STARD9: variants seen among roughly 807,000 people sequenced by gnomAD.
The protein encoded by STARD9 is StAR related lipid transfer domain containing 9, also known as stAR-related lipid transfer protein 9.
In STARD9, 346 loss-of-function variants were observed where a neutral mutation model predicts 399.8. The observed-to-expected ratio is 0.87, with a 90% CI of 0.79 to 0.95. The LOEUF (loss-of-function observed/expected upper bound fraction) is 0.95, where lower values mean the gene tolerates loss of function less well. Among genes scored for constraint, STARD9 ranks in the 40% least tolerant of loss-of-function variants. The probability of loss-of-function intolerance (pLI) is 0.00; values close to 1 mark genes in which losing one functional copy is unlikely to be tolerated. For missense variants in STARD9, 5,832 were observed against 5,667.5 expected (o/e 1.03, Z -0.93); for synonymous variants, 2,203 against 2,143.5 (o/e 1.03, Z -0.77).
In STARD9 at chr15:42,691,176, A is replaced by C. The variant is rs1342186874; in HGVS notation, c.9598A>C (p.Thr3200Pro). The stretch of plus-strand genomic sequence containing the variant: ...CAAGTTTGTAGCAAGGTTAAAACAT[A>C]CCTGCAGCCCCCAGGAAGACAGTCC... Reference protein sequence around the residue: ...QAKFVARLKHTCSPQEDSPWQ... With the variant: ...QAKFVARLKHPCSPQEDSPWQ... Residue 3200 changes from threonine (T) to proline (P), a missense_variant, in exon 23 of 33, where the codon ACC (threonine) becomes CCC (proline). Coordinates refer to ENST00000290607, the MANE Select transcript of STARD9 (RefSeq NM_020759.3). 2 of 1,537,152 alleles carry C rather than the reference A, an allele frequency of 1.3e-6. No individual in the cohort carries two copies. The highest frequency in any genetic ancestry group is 1.7e-6 in the Non-Finnish European group (2 of 1,146,918).
intron 16 of STARD9, chr15:42,673,948 T>A (rs1470146346): frequency 6.6e-6 from 3 of 456,448 alleles, no homozygotes; most frequent in Non-Finnish European, 1.3e-5. Context: ...TTAAACTTCA[T>A]CTGCGGACCA....
Position 42,690,959 on chromosome 15 carries a change from G to A in STARD9, c.9381G>A (p.Val3127=), listed in dbSNP as rs753335888. 4 of 1,537,234 alleles carry A rather than the reference G, an allele frequency of 2.6e-6. No homozygotes were observed. The highest frequency in any genetic ancestry group is 1.2e-5 in the South Asian group (1 of 84,058). ...DSSVGDQNAQ[V]CQTNPEPPAT... is the part of the protein sequence containing the mutation. The stretch of plus-strand genomic sequence containing the variant: ...CTGTAGGTGACCAGAATGCACAGGT[G>A]TGTCAAACCAATCCAGAACCACCTG... Residue 3127 remains valine, a synonymous_variant, in exon 23 of 33, where the codon GTG becomes GTA. Coordinates refer to ENST00000290607, the MANE Select transcript of STARD9 (RefSeq NM_020759.3).
At chr15:42,628,927 A>G (rs1028538040) in intron 3 of STARD9, among the ~76,000 whole-genome samples, 2 of 152,174 alleles carry the variant, frequency 1.3e-5, no homozygotes, top group East Asian at 1.9e-4. Context: ...CTGTGGTTCA[A>G]TAAAAATTTT....
At chr15:42,674,377 C>T (rs2060266324) in intron 16 of STARD9, 63 bp from the exon 17 acceptor site, 3 of 1,292,206 alleles carry the variant, frequency 2.3e-6, no homozygotes, top group Non-Finnish European at 3.2e-6. Flanking sequence ...AATGTGGACT[C>T]TCCTGTAGGG....
In STARD9 at chr15:42,684,241, G is replaced by C. The variant is rs988148975; in HGVS notation, c.2663G>C (p.Gly888Ala). 2.0e-6 allele frequency: 3 copies of C among 1,537,150 alleles called. No individual in the cohort carries two copies. Among genetic ancestry groups the C allele is most frequent in the Middle Eastern group, 1.7e-4 (1 of 6,012 alleles). ...GCTGCTTCCTACCCTGCAAGGACAGGGTGCCTCCGCAAGAACGGCCTGCAT... is the reference window on the plus strand; with the variant it reads ...GCTGCTTCCTACCCTGCAAGGACAGCGTGCCTCCGCAAGAACGGCCTGCAT... The part of the protein sequence containing the change: ...PQAASYPART[G>A]CLRKNGLHSS... Residue 888 changes from glycine to alanine, a missense_variant, in exon 23 of 33, where the codon GGG (glycine) becomes GCG (alanine). Coordinates refer to ENST00000290607, the MANE Select transcript of STARD9 (RefSeq NM_020759.3).
rs202187298 is a variant in STARD9 at position 42,688,755 on chromosome 15, G to A, written c.7177G>A (p.Glu2393Lys). 223 of 1,537,606 alleles carry A rather than the reference G, an allele frequency of 1.5e-4. No homozygotes were observed. Among genetic ancestry groups the A allele is most frequent in the Non-Finnish European group, 6.8e-5 (78 of 1,147,042 alleles). Reference sequence around the variant, plus strand: ...TACGGAGACCAGAAGCCACAGCCCCGAAGGAAATGTTAGAGGGCGTTCCTC... The same window carrying A: ...TACGGAGACCAGAAGCCACAGCCCCAAAGGAAATGTTAGAGGGCGTTCCTC... ...QSTETRSHSP[E>K]GNVRGRSSEA... Residue 2393 changes from glutamate to lysine, a missense_variant, in exon 23 of 33, where the codon GAA (glutamate) becomes AAA (lysine). Transcript: ENST00000290607.
At chr15:42,653,949 T>C (rs1274285425) in intron 9 of STARD9, among the ~76,000 whole-genome samples, 1 of 152,184 alleles carries the variant, frequency 6.6e-6, no homozygotes, top group Admixed American at 6.5e-5. Context: ...TGAAAGGAGA[T>C]ATATTTAAGT....
At chr15:42,650,590 CTG>C (rs375104962) in intron 7 of STARD9, among the ~76,000 whole-genome samples, 21 of 152,290 alleles carry the variant, frequency 1.4e-4, no homozygotes, top group South Asian at 8.3e-4. Context: ...TGATTGTAAA[CTG>C]TGGGAGGACA....
At chr15:42,715,598 G>A (rs1283993744) in intron 26 of STARD9, among the ~76,000 whole-genome samples, 1 of 150,310 alleles carries the variant, frequency 6.7e-6, no homozygotes, top group Non-Finnish European at 1.5e-5. Flanking sequence ...TCGGCTCACT[G>A]CAACCTCTGC....
chr15:42,666,790 G>A (rs2060110531), intron 15 of STARD9, among the ~76,000 whole-genome samples: 1 of 152,022 alleles, frequency 6.6e-6, no homozygotes, highest in Non-Finnish European at 1.5e-5. Context: ...AGAATAAATG[G>A]TGATTCCCAG....
At chr15:42,665,960 T>G in intron 15 of STARD9, 112 bp downstream of exon 15, 1 of 845,320 alleles carries the variant, frequency 1.2e-6, no homozygotes, top group Non-Finnish European at 1.9e-6. Flanking sequence ...GCTGTCTCAT[T>G]TAAATACAAT....
chr15:42,692,217 A>G lies in STARD9; in HGVS notation c.10639A>G (p.Asn3547Asp). 1 of 1,537,096 alleles carries G rather than the reference A, an allele frequency of 6.5e-7. No homozygotes were observed. Among genetic ancestry groups the G allele is most frequent in the Non-Finnish European group, 8.7e-7 (1 of 1,146,892 alleles). Residue 3547 changes from asparagine to aspartate, a missense_variant, in exon 23 of 33, where the codon AAT (asparagine) becomes GAT (aspartate). Transcript: ENST00000290607. ...GTCAACCACACACAGCAGCACTGAG[A>G]ATGCCCAGGGTTCAAATGAGGCCTG... Reference protein sequence around the residue: ...DLSTTHSSTENAQGSNEAWEV... With the variant: ...DLSTTHSSTEDAQGSNEAWEV...
At chr15:42,608,471 A>C (rs2058782420) in intron 3 of STARD9, among the ~76,000 whole-genome samples, 1 of 152,206 alleles carries the variant, frequency 6.6e-6, no homozygotes, top group Non-Finnish European at 1.5e-5. Context: ...TCTTACATTA[A>C]GATTGGTCTC....
chr15:42,706,338 T>G (rs2140358957), intron 26 of STARD9, among the ~76,000 whole-genome samples: 1 of 152,340 alleles, frequency 6.6e-6, no homozygotes, highest in Middle Eastern at 3.4e-3. Context: ...TTCTGATTAT[T>G]TTGTGTGTAT....
Position 42,718,157 on chromosome 15 carries a change from A to C in STARD9, c.13740A>C (p.Arg4580=). ...TCCAGACAGCAAGGCTGCATCAGCG[A>C]GTGACCAACAGCATCAGCCTGGGTG... The part of the protein sequence containing the change: ...KPIQTARLHQ[R]VTNSISLVYL... The change falls in exon 30 of 33, where the codon CGA becomes CGC. Residue 4580 remains arginine (R), a synonymous_variant. Coordinates refer to ENST00000290607, the MANE Select transcript of STARD9 (RefSeq NM_020759.3). 1 of 1,536,932 alleles carries C rather than the reference A, an allele frequency of 6.5e-7. No homozygotes were observed. Among genetic ancestry groups the C allele is most frequent in the Non-Finnish European group, 8.7e-7 (1 of 1,146,880 alleles).
chr15:42,652,497 A>T, intron 8 of STARD9, 23 bp from the exon 9 acceptor site: 1 of 1,533,210 alleles, frequency 6.5e-7, no homozygotes, highest in Non-Finnish European at 8.7e-7. Flanking sequence ...CCTCGTCCTA[A>T]CAGTTTTTCC....
intron 17 of STARD9, 36 bp from the exon 18 acceptor site, chr15:42,674,791 G>A (rs1389190253): frequency 1.0e-5 from 15 of 1,492,996 alleles, no homozygotes; most frequent in South Asian, 4.0e-5. Context: ...TCCCTGCATC[G>A]TCCTCCCACC....
intron 3 of STARD9, among the ~76,000 whole-genome samples, chr15:42,620,010 T>A (rs1266448528): frequency 1.3e-5 from 2 of 152,206 alleles, no homozygotes; most frequent in Non-Finnish European, 1.5e-5. Flanking sequence ...ACTTTAAAGC[T>A]TCCCTTAAGC....
chr15:42,709,072 C>T (rs937507998), intron 26 of STARD9, among the ~76,000 whole-genome samples: 2 of 151,956 alleles, frequency 1.3e-5, no homozygotes, highest in African/African-American at 4.8e-5. Flanking sequence ...GGGGGTCTCT[C>T]CACTGAATGT....
Sources: allele counts gnomAD v4.1 joint callset (sites outside exome capture counted in the v4.1 genomes callset), GRCh38; gene constraint gnomAD v4.1.1; transcripts MANE v1.5; gene names NCBI Gene and HGNC (gene_info 2026-07-23, HGNC 2026-07-21).